The following SIM2 variants were observed in gnomAD, a reference collection of about 807,000 sequenced individuals.
The protein encoded by SIM2 is single-minded homolog 2.
SIM2 carries 28 observed loss-of-function variants against 64.8 expected under a neutral mutation model. That is an observed-to-expected ratio of 0.43 (90% confidence interval 0.32 to 0.59). SIM2 has a LOEUF of 0.59. Among genes scored for constraint, SIM2 ranks in the 20% least tolerant of loss-of-function variants. The pLI is 0.07. For synonymous variants in SIM2, 408 were observed against 391.1 expected (o/e 1.04, Z -0.51); for missense variants, 847 against 871.4 (o/e 0.97, Z 0.35).
chr21:36,703,807 G>A (rs2284984), intron 1 of SIM2, among the ~76,000 whole-genome samples: 63,005 of 152,194 alleles, frequency 0.41, 13,827 homozygotes, highest in South Asian at 0.59. Context: ...CTGCAAAAGC[G>A]TCCTGGCAGG....
intron 1 of SIM2, among the ~76,000 whole-genome samples, chr21:36,707,946 G>A (rs921861723): frequency 3.0e-4 from 13 of 43,154 alleles, no homozygotes; most frequent in African/African-American, 1.6e-3. Flanking sequence ...GCAGTGGGGG[G>A]CTGGGGCTGG....
chr21:36,725,069 G>C (rs2088871611), intron 5 of SIM2, among the ~76,000 whole-genome samples: 1 of 152,140 alleles, frequency 6.6e-6, no homozygotes, highest in East Asian at 1.9e-4. Flanking sequence ...ACTGGGGCAG[G>C]GCACAGTGAT....
chr21:36,718,941 C>T (rs1288304025), intron 3 of SIM2, among the ~76,000 whole-genome samples: 1 of 152,196 alleles, frequency 6.6e-6, no homozygotes, highest in Non-Finnish European at 1.5e-5. Flanking sequence ...GAATTTGGGC[C>T]TCCAGGGACC....
At chr21:36,732,887 G>A (rs138477955) in intron 7 of SIM2, among the ~76,000 whole-genome samples, 3 of 152,356 alleles carry the variant, frequency 2.0e-5, no homozygotes, top group Non-Finnish European at 4.4e-5. Context: ...GAGGGGCTCT[G>A]CAGTAGCAAG....
Position 36,748,083 on chromosome 21 carries a change from C to T in SIM2, c.1995C>T (p.Asn665=), listed in dbSNP as rs1033729098. The T allele has an allele frequency of 9.1e-6, 11 of 1,204,316 alleles. No homozygotes were observed. The highest frequency in any genetic ancestry group is 6.3e-5 in the African/African-American group (4 of 63,172). 74.6% of individuals were successfully genotyped at this position (1,204,316 alleles called of 1,614,324 possible). A position where few individuals can be genotyped will look rare whatever the true frequency, so the allele number is the denominator to read the frequency against. The change falls in exon 11 of 11, where the codon AAC becomes AAT. Residue 665 remains asparagine (N), a synonymous_variant. Transcript: ENST00000290399. ...TGGGCGCCTCGGTCATCATCACCAA[C>T]GGGAGGTGACCCGCTGGCCGCCCGC... ...HYLGASVIIT[N]GR
Position 36,709,266 on chromosome 21 carries a change from C to T in SIM2, c.258+16C>T. The T allele has an allele frequency of 7.0e-6, 11 of 1,575,334 alleles. No homozygotes were observed. Among genetic ancestry groups the T allele is most frequent in the South Asian group, 1.2e-5 (1 of 86,740 alleles). ...CTTGCTGCAGGTAGAGCGGCCTCGCCGGGGGAGGAGCGCAGCCGCCGCAGG... is the reference window on the plus strand; with the variant it reads ...CTTGCTGCAGGTAGAGCGGCCTCGCTGGGGGAGGAGCGCAGCCGCCGCAGG... On this transcript the variant is annotated intron_variant, in intron 2 of 10. Coordinates refer to ENST00000290399, the MANE Select transcript of SIM2 (RefSeq NM_005069.6).
intron 3 of SIM2, among the ~76,000 whole-genome samples, chr21:36,717,445 CTTTT>C (rs1004592925): frequency 3.7e-5 from 5 of 136,542 alleles, no homozygotes; most frequent in Non-Finnish European, 8.1e-5. Context: ...TTCTTTCTTT[CTTTT>C]CTTTTTTTTT....
Position 36,747,940 on chromosome 21 carries a change from G to C in SIM2, c.1852G>C (p.Ala618Pro), listed in dbSNP as rs967004609. 11 of 1,020,958 alleles carry C rather than the reference G, an allele frequency of 1.1e-5. No individual in the cohort carries two copies. In the African/African-American group the frequency reaches 1.4e-4, roughly 13 times the overall value. The allele number at this position is 1,020,958 out of a possible 1,614,324, so 63.2% of individuals were successfully genotyped here. Residue 618 changes from alanine to proline, a missense_variant, in exon 11 of 11, where the codon GCC (alanine) becomes CCC (proline). Around this residue, in one of 3 missense-constraint regions of SIM2, gnomAD observed 447 missense variants for 414.6 expected, o/e 1.08. Transcript: ENST00000290399. This position sits in a 1 kb window ranked among gnomAD's most constrained non-coding sequence, Gnocchi z 4.5. ...CGGACCGCTGGGGGGCGCCGCACCC[G>C]CCGCCTCCGGCCTGGCCTGCGCTCC... ...RRGPLGGAAP[A>P]ASGLACAPGG...
intron 1 of SIM2, among the ~76,000 whole-genome samples, chr21:36,701,807 G>T (rs539889406): frequency 3.3e-5 from 5 of 152,338 alleles, no homozygotes; most frequent in African/African-American, 1.2e-4. Context: ...TCCTTCCGGG[G>T]AGGCGTGGTG....
intron 1 of SIM2, among the ~76,000 whole-genome samples, chr21:36,706,904 G>A (rs1400169220): frequency 6.6e-6 from 1 of 152,228 alleles, no homozygotes; most frequent in African/African-American, 2.4e-5. Flanking sequence ...TGAACTGTGC[G>A]GGTATTTGAA....
chr21:36,731,888 A>T (rs2123475756), intron 7 of SIM2, among the ~76,000 whole-genome samples: 1 of 152,306 alleles, frequency 6.6e-6, no homozygotes, highest in South Asian at 2.1e-4. Context: ...AATCTAAAAA[A>T]AAAAATCTTT....
At chr21:36,741,678 G>A in intron 7 of SIM2, 39 bp from the exon 8 acceptor site, 1 of 1,605,776 alleles carries the variant, frequency 6.2e-7, no homozygotes. Context: ...GGTGGGGCCT[G>A]CGAAGCGTCT....
At position 36,741,823 on chromosome 21, in the gene SIM2, G is replaced by A. The variant is rs768818321; in HGVS notation, c.957G>A (p.Ser319=). 33 of 1,607,774 alleles carry A rather than the reference G, an allele frequency of 2.1e-5. No homozygotes were observed. The highest frequency in any genetic ancestry group is 3.4e-5 in the South Asian group (3 of 89,446). Residue 319 remains serine (S), a synonymous_variant, in exon 8 of 11, where the codon TCG becomes TCA. Coordinates refer to ENST00000290399, the MANE Select transcript of SIM2 (RefSeq NM_005069.6). The stretch of plus-strand genomic sequence containing the variant: ...CCACCGTGGTGCACAACAGCCGCTC[G>A]TCCCGGCCCCACTGCATCGTGAGTG... The part of the protein sequence containing the change: ...SYATVVHNSR[S]SRPHCIVSVN...
chr21:36,703,732 G>T (rs73387525), intron 1 of SIM2, among the ~76,000 whole-genome samples: 12,925 of 152,306 alleles, frequency 0.085, 1,025 homozygotes, highest in African/African-American at 0.21. Context: ...CAGCGCTGAG[G>T]TCTGATGGTC....
At position 36,737,047 on chromosome 21, in the gene SIM2, C is replaced by T. The variant is rs564736370; in HGVS notation, c.851-4670C>T. Among the ~76,000 whole-genome samples the T allele has an allele frequency of 3.5e-4, 54 of 152,250 alleles. 1 individual carries two copies. Among genetic ancestry groups the T allele is most frequent in the Non-Finnish European group, 1.2e-4 (8 of 68,016 alleles). ...CCTGAAGTGATCCTCCTGCCTCAGC[C>T]TCCTGAGTAGCTGGGACTACAGGCA... On this transcript the variant is annotated intron_variant, in intron 7 of 10. Coordinates refer to ENST00000290399, the MANE Select transcript of SIM2 (RefSeq NM_005069.6).
At chr21:36,703,643 C>T (rs184250992) in intron 1 of SIM2, among the ~76,000 whole-genome samples, 87 of 152,304 alleles carry the variant, frequency 5.7e-4, no homozygotes, top group Admixed American at 5.6e-3. Flanking sequence ...CAGGAGACCA[C>T]GGCTGACTTT....
intron 5 of SIM2, among the ~76,000 whole-genome samples, chr21:36,725,209 G>A (rs2088874778): frequency 6.6e-6 from 1 of 152,012 alleles, no homozygotes; most frequent in Admixed American, 6.6e-5. Context: ...AATTAGCCAG[G>A]CACGGTGGCA....
intron 2 of SIM2, chr21:36,709,481 C>T (rs770191402): frequency 1.5e-6 from 1 of 667,466 alleles, no homozygotes; most frequent in Non-Finnish European, 2.8e-6. Flanking sequence ...CCGCCGAAGG[C>T]CCCAGGACTC....
intron 2 of SIM2, 24 bp downstream of exon 2, chr21:36,709,274 GAGC>G: frequency 1.3e-6 from 2 of 1,562,326 alleles, no homozygotes; most frequent in African/African-American, 1.3e-5. Context: ...GCCGGGGGAG[GAGC>G]GCAGCCGCCG....
Sources: gnomAD v4.1 joint callset for allele counts (sites outside exome capture counted in the v4.1 genomes callset) on GRCh38, gnomAD v4.1.1 for gene constraint, gnomAD v4.1.1 regional missense constraint, Gnocchi (gnomAD v3.1) non-coding constraint, MANE v1.5 for transcripts, NCBI Gene and HGNC (gene_info 2026-07-23, HGNC 2026-07-21) for gene names.